NCALD: variants seen among roughly 807,000 people sequenced by gnomAD.
NCALD encodes neurocalcin-delta.
A neutral mutation model predicts 18.6 loss-of-function variants in NCALD; 10 were observed. The observed-to-expected ratio is 0.54, with a 90% confidence interval of 0.33 to 0.91. The LOEUF is 0.91. NCALD is among the 40% of genes least tolerant of loss of function. The probability of loss-of-function intolerance (pLI) is 0.03; values close to 1 mark genes in which losing one functional copy is unlikely to be tolerated. For synonymous variants in NCALD, 88 were observed against 87.4 expected (o/e 1.01, Z -0.04); for missense variants, 184 against 247.6 (o/e 0.74, Z 1.72).
upstream of NCALD, among the ~76,000 whole-genome samples, chr8:101,794,810 T>C: frequency 6.6e-6 from 1 of 152,220 alleles, no homozygotes; most frequent in Non-Finnish European, 1.5e-5. Flanking sequence ...CTTAGCTCTG[T>C]AAAATTTTGG....
At chr8:102,088,709 C>G (rs1824822727) in intron 1 of NCALD, among the ~76,000 whole-genome samples, 1 of 147,696 alleles carries the variant, frequency 6.8e-6, no homozygotes, top group Non-Finnish European at 1.5e-5. Context: ...TTGACTAAAA[C>G]AAAAACAAAA....
intron 2 of NCALD, among the ~76,000 whole-genome samples, chr8:101,925,920 A>G (rs2131675342): frequency 6.6e-6 from 1 of 152,320 alleles, no homozygotes; most frequent in Middle Eastern, 3.4e-3. Context: ...AAGCTGAAAA[A>G]TCAGGCAAGA....
rs111598655 is a variant in NCALD, at chr8:101,803,744, A to G, written c.-20+83397T>C. On this transcript the variant is annotated intron_variant, in intron 4 of 6. Transcript: ENST00000311028. The stretch of plus-strand genomic sequence containing the variant: ...AGGGGTTGAAGACTTCAGTGGAGGA[A>G]GTAACTGCAGATGAAAGTGGTTTCT... Among the ~76,000 whole-genome samples the G allele has an allele frequency of 5.7e-3, 869 of 152,312 alleles. 11 individuals are homozygous for G. Among genetic ancestry groups the G allele is most frequent in the African/African-American group, 0.018 (764 of 41,574 alleles).
chr8:101,771,142 G>A (rs1035996388), intron 1 of NCALD, among the ~76,000 whole-genome samples: 1 of 152,204 alleles, frequency 6.6e-6, no homozygotes, highest in African/African-American at 2.4e-5. Context: ...GGTAGGTGCA[G>A]TTGGATGAAA....
At chr8:101,955,407 G>A (rs1468186590) in intron 2 of NCALD, among the ~76,000 whole-genome samples, 1 of 152,108 alleles carries the variant, frequency 6.6e-6, no homozygotes, top group Non-Finnish European at 1.5e-5. Flanking sequence ...GGCAAAAGCT[G>A]AAGCCCAAGG....
At chr8:101,843,965 C>T (rs1247046856) in intron 4 of NCALD, among the ~76,000 whole-genome samples, 1 of 152,214 alleles carries the variant, frequency 6.6e-6, no homozygotes, top group Admixed American at 6.5e-5. Context: ...AAAACACCCA[C>T]ATGCATACTC....
At chr8:101,957,288 G>GTT (rs1563932101) in intron 2 of NCALD, among the ~76,000 whole-genome samples, 44 of 128,176 alleles carry the variant, frequency 3.4e-4, no homozygotes, top group African/African-American at 8.7e-4. Flanking sequence ...GAAAAGTTGG[G>GTT]GTTTTTTTTT....
At chr8:101,752,662 AG>A (rs1810709589) in intron 1 of NCALD, among the ~76,000 whole-genome samples, 1 of 152,244 alleles carries the variant, frequency 6.6e-6, no homozygotes, top group Non-Finnish European at 1.5e-5. Flanking sequence ...TGTTTGGACT[AG>A]GTTCCAATGC....
chr8:101,868,295 G>T (rs781562758), intron 4 of NCALD, among the ~76,000 whole-genome samples: 25 of 151,900 alleles, frequency 1.6e-4, no homozygotes, highest in Non-Finnish European at 3.2e-4. Context: ...CACTGAGCTC[G>T]CACTGACCTT....
intron 1 of NCALD, among the ~76,000 whole-genome samples, chr8:101,779,377 A>G (rs1207342584): frequency 6.6e-6 from 1 of 152,188 alleles, no homozygotes; most frequent in East Asian, 1.9e-4. Context: ...ACCAACAATT[A>G]AACTATGACA....
chr8:101,951,444 G>A (rs1253709401), intron 2 of NCALD, among the ~76,000 whole-genome samples: 1 of 152,274 alleles, frequency 6.6e-6, no homozygotes, highest in South Asian at 2.1e-4. Context: ...AAGAGGCCAT[G>A]CTCCACAAAT....
chr8:102,091,648 A>T (rs1296447064), intron 1 of NCALD, among the ~76,000 whole-genome samples: 1 of 152,196 alleles, frequency 6.6e-6, no homozygotes, highest in Non-Finnish European at 1.5e-5. Context: ...GCTGTTGTAC[A>T]ATATAGTGCT....
At chr8:102,018,342 C>G (rs1283594739) in intron 2 of NCALD, among the ~76,000 whole-genome samples, 1 of 152,100 alleles carries the variant, frequency 6.6e-6, no homozygotes, top group African/African-American at 2.4e-5. Context: ...TATAAACAAC[C>G]CAAATCTTCA....
At chr8:101,994,847 A>C (rs1821178968) in intron 2 of NCALD, among the ~76,000 whole-genome samples, 1 of 152,258 alleles carries the variant, frequency 6.6e-6, no homozygotes. Flanking sequence ...AAAGTCCTAA[A>C]ACCATCTCTT....
intron 4 of NCALD, among the ~76,000 whole-genome samples, chr8:101,799,891 GC>G (rs1378475651): frequency 6.6e-6 from 1 of 152,138 alleles, no homozygotes; most frequent in Non-Finnish European, 1.5e-5. Context: ...ATTTTGCACT[GC>G]AGTTTTGCAA....
intron 2 of NCALD, among the ~76,000 whole-genome samples, chr8:101,942,360 G>T (rs1409690147): frequency 6.6e-6 from 1 of 152,140 alleles, no homozygotes; most frequent in Admixed American, 6.5e-5. Context: ...TCATTTTAAT[G>T]AATATCAAAT....
intron 2 of NCALD, among the ~76,000 whole-genome samples, chr8:101,700,952 T>C (rs1815237023): frequency 6.6e-6 from 1 of 152,174 alleles, no homozygotes; most frequent in South Asian, 2.1e-4. Context: ...AAGTGGGGTC[T>C]TCTTTAAGAG....
intron 4 of NCALD, among the ~76,000 whole-genome samples, chr8:101,817,034 T>C (rs920178148): frequency 2.0e-5 from 3 of 152,156 alleles, no homozygotes; most frequent in Non-Finnish European, 4.4e-5. Flanking sequence ...AGAGTGTTTC[T>C]ATCCATTTTA....
chr8:101,820,280 A>G (rs1439515344), intron 4 of NCALD, among the ~76,000 whole-genome samples: 1 of 152,214 alleles, frequency 6.6e-6, no homozygotes, highest in Non-Finnish European at 1.5e-5. Context: ...GACTTTGCCT[A>G]TTTTGTTCAC....
Sources: gnomAD v4.1 joint callset for allele counts (sites outside exome capture counted in the v4.1 genomes callset) on GRCh38, gnomAD v4.1.1 for gene constraint, MANE v1.5 for transcripts, NCBI Gene and HGNC (gene_info 2026-07-23, HGNC 2026-07-21) for gene names.